Variants in PCDH9 observed in about 807,000 individuals in gnomAD.
PCDH9 encodes the protein protocadherin 9.
Under a neutral mutation model 70.6 loss-of-function variants are expected in PCDH9, and 24 were observed. That is an observed-to-expected ratio of 0.34 (90% CI 0.25 to 0.48). The LOEUF (loss-of-function observed/expected upper bound fraction) is 0.48. Among genes scored for constraint, PCDH9 ranks in the 20% least tolerant of loss-of-function variants. The probability of loss-of-function intolerance (pLI) is 0.99; values close to 1 mark genes in which losing one functional copy is unlikely to be tolerated. For missense variants in PCDH9, 1,281 were observed against 1,503.6 expected (o/e 0.85, Z 2.45); for synonymous variants, 562 against 558.5 (o/e 1.01, Z -0.09).
intron 3 of PCDH9, among the ~76,000 whole-genome samples, chr13:66,749,832 G>T (rs1023276920): frequency 6.6e-6 from 1 of 152,074 alleles, no homozygotes; most frequent in Non-Finnish European, 1.5e-5. Flanking sequence ...CAAAATCACA[G>T]AGACTTGACA....
chr13:66,382,323 G>T lies in PCDH9; in HGVS notation c.3341-77295C>A, dbSNP rs528831185. ...CAAGAATAGGCCACCTAGCCCATGG[G>T]TAAGGAAAGATATCTGATGAGACCT... On this transcript the variant is annotated intron_variant, in intron 4 of 4. Coordinates refer to ENST00000377865, the MANE Select transcript of PCDH9 (RefSeq NM_203487.3). Among the ~76,000 whole-genome samples, 6 of 152,172 alleles carry T rather than the reference G, an allele frequency of 3.9e-5. No individual in the cohort carries two copies. In the East Asian group the frequency reaches 9.7e-4, roughly 24 times the overall value.
At chr13:67,189,566 G>A (rs534022094) in intron 2 of PCDH9, among the ~76,000 whole-genome samples, 70 of 152,078 alleles carry the variant, frequency 4.6e-4, no homozygotes, top group African/African-American at 1.6e-3. Flanking sequence ...CGGCTTAACT[G>A]CGAGTAAAGA....
At chr13:66,522,750 A>ATC (rs1960053939) in intron 4 of PCDH9, among the ~76,000 whole-genome samples, 1 of 152,010 alleles carries the variant, frequency 6.6e-6, no homozygotes, top group East Asian at 1.9e-4. Context: ...AACCAAGAAG[A>ATC]TCTGCAAGAG....
intron 4 of PCDH9, among the ~76,000 whole-genome samples, chr13:66,524,783 T>C (rs528097634): frequency 1.4e-4 from 21 of 152,202 alleles, no homozygotes; most frequent in African/African-American, 4.8e-4. Flanking sequence ...TGTTGCCGTT[T>C]ATAATAATAT....
intron 4 of PCDH9, among the ~76,000 whole-genome samples, chr13:66,443,317 A>C (rs1409221502): frequency 6.6e-6 from 1 of 152,214 alleles, no homozygotes; most frequent in Non-Finnish European, 1.5e-5. Context: ...TGAAGTGAGC[A>C]AAATGATGAA....
intron 3 of PCDH9, among the ~76,000 whole-genome samples, chr13:66,701,574 A>G (rs2078649032): frequency 1.3e-5 from 2 of 152,156 alleles, no homozygotes; most frequent in South Asian, 4.1e-4. Context: ...TGTTTGGCCT[A>G]GCTTTTTATT....
chr13:66,689,231 G>T (rs889122752), intron 3 of PCDH9, among the ~76,000 whole-genome samples: 4 of 152,026 alleles, frequency 2.6e-5, no homozygotes, highest in Admixed American at 2.0e-4. Flanking sequence ...GACTTATACA[G>T]CCCTCTAGTG....
intron 2 of PCDH9, among the ~76,000 whole-genome samples, chr13:67,032,236 C>T (rs1386521047): frequency 5.3e-5 from 8 of 152,156 alleles, no homozygotes; most frequent in South Asian, 2.1e-4. Context: ...CTACACTTCC[C>T]GGGCTCAAGC....
chr13:67,051,888 T>G (rs1486473916), intron 2 of PCDH9, among the ~76,000 whole-genome samples: 2 of 152,172 alleles, frequency 1.3e-5, no homozygotes, highest in Non-Finnish European at 2.9e-5. Context: ...AACTTTTATG[T>G]TGAGAAATAT....
At chr13:67,088,287 A>G (rs909013728) in intron 2 of PCDH9, among the ~76,000 whole-genome samples, 1 of 151,986 alleles carries the variant, frequency 6.6e-6, no homozygotes, top group Non-Finnish European at 1.5e-5. Context: ...CCCAGCATCT[A>G]TCAGTTAGCA....
At chr13:66,601,413 T>C (rs1316980449) in intron 4 of PCDH9, among the ~76,000 whole-genome samples, 1 of 145,950 alleles carries the variant, frequency 6.9e-6, no homozygotes, top group Non-Finnish European at 1.5e-5. Flanking sequence ...ACAAGTGCAA[T>C]TAGTTTGTTA....
At chr13:67,193,925 C>T (rs1167025209) in intron 2 of PCDH9, among the ~76,000 whole-genome samples, 1 of 152,050 alleles carries the variant, frequency 6.6e-6, no homozygotes, top group African/African-American at 2.4e-5. Flanking sequence ...TTCAGTGTCA[C>T]TAATATTTAA....
chr13:66,760,330 G>C (rs574343726), intron 3 of PCDH9, among the ~76,000 whole-genome samples: 1 of 152,238 alleles, frequency 6.6e-6, no homozygotes, highest in Non-Finnish European at 1.5e-5. Context: ...TCTTGAGGTA[G>C]CTTCATTTGC....
intron 3 of PCDH9, among the ~76,000 whole-genome samples, chr13:66,763,173 T>C (rs1373591036): frequency 6.6e-6 from 1 of 151,796 alleles, no homozygotes; most frequent in African/African-American, 2.4e-5. Context: ...CAAATATATA[T>C]ATGAATTTTA....
At chr13:67,086,598 G>A (rs1566415379) in intron 2 of PCDH9, among the ~76,000 whole-genome samples, 1 of 152,190 alleles carries the variant, frequency 6.6e-6, no homozygotes, top group African/African-American at 2.4e-5. Flanking sequence ...TGGATGGAAT[G>A]TAACAGAGTT....
chr13:66,957,350 C>G (rs1257536046), intron 2 of PCDH9, among the ~76,000 whole-genome samples: 2 of 152,142 alleles, frequency 1.3e-5, no homozygotes, highest in Non-Finnish European at 2.9e-5. Context: ...GAGTACTACC[C>G]CTCCAAGTTT....
intron 2 of PCDH9, among the ~76,000 whole-genome samples, chr13:66,949,592 G>T (rs1037124773): frequency 6.6e-6 from 1 of 151,910 alleles, no homozygotes; most frequent in Non-Finnish European, 1.5e-5. Flanking sequence ...TTTAGAATTC[G>T]TTCCTCTGCA....
At chr13:66,738,623 G>T (rs370426633) in intron 3 of PCDH9, among the ~76,000 whole-genome samples, 1 of 142,986 alleles carries the variant, frequency 7.0e-6, no homozygotes, top group Non-Finnish European at 1.5e-5. Context: ...ATAACTAGAA[G>T]AACCAATACA....
chr13:66,376,174 A>G (rs1566279292), intron 4 of PCDH9, among the ~76,000 whole-genome samples: 1 of 152,118 alleles, frequency 6.6e-6, no homozygotes, highest in Non-Finnish European at 1.5e-5. Context: ...ACCTTAACCC[A>G]TATCATAATA....
Sources: allele counts gnomAD v4.1 joint callset (sites outside exome capture counted in the v4.1 genomes callset), GRCh38; gene constraint gnomAD v4.1.1; transcripts MANE v1.5; gene names NCBI Gene and HGNC (gene_info 2026-07-23, HGNC 2026-07-21).